ST8SIA1: variants seen among roughly 807,000 people sequenced by gnomAD.
ST8SIA1 encodes alpha-N-acetylneuraminide alpha-2,8-sialyltransferase.
ST8SIA1 carries 16 observed loss-of-function variants against 35.9 expected under a neutral mutation model. That is an observed-to-expected ratio of 0.45 (90% CI 0.30 to 0.68). ST8SIA1 has a LOEUF of 0.68. Among genes scored for constraint, ST8SIA1 ranks in the 30% least tolerant of loss-of-function variants. The probability of loss-of-function intolerance (pLI) is 0.09; values close to 1 mark genes in which losing one functional copy is unlikely to be tolerated. For missense variants in ST8SIA1, 383 were observed against 453.6 expected, an observed-to-expected ratio of 0.84 and a Z score of 1.41; for synonymous variants, 170 against 169.6, an observed-to-expected ratio of 1.00 and a Z score of -0.02.
At chr12:22,320,159 T>A (rs1009691974) in intron 1 of ST8SIA1, among the ~76,000 whole-genome samples, 4 of 152,218 alleles carry the variant, frequency 2.6e-5, no homozygotes, top group Non-Finnish European at 4.4e-5. Context: ...CAAAGCTATG[T>A]ACATCTATAA....
intron 4 of ST8SIA1, among the ~76,000 whole-genome samples, chr12:22,246,863 C>A (rs1055681322): frequency 3.3e-5 from 5 of 152,102 alleles, no homozygotes; most frequent in African/African-American, 1.2e-4. Context: ...TGAGGAACTG[C>A]CTATAAAGGG....
chr12:22,228,770 T>C (rs1385225998), intron 4 of ST8SIA1, among the ~76,000 whole-genome samples: 2 of 151,848 alleles, frequency 1.3e-5, no homozygotes, highest in Non-Finnish European at 1.5e-5. Context: ...TAAAAATTAG[T>C]GGGGGCTGGG....
chr12:22,205,825 C>A (rs10841975), intron 4 of ST8SIA1, among the ~76,000 whole-genome samples: 65,064 of 151,684 alleles, frequency 0.43, 14,227 homozygotes, highest in East Asian at 0.6. Context: ...TATTTCAACA[C>A]AGGAAAATAT....
chr12:22,242,276 A>G (rs1865549777), intron 4 of ST8SIA1, among the ~76,000 whole-genome samples: 1 of 152,192 alleles, frequency 6.6e-6, no homozygotes, highest in Admixed American at 6.5e-5. Flanking sequence ...ATTAAATCCA[A>G]TATAATTAAA....
chr12:22,322,317 C>T (rs1309560481), intron 1 of ST8SIA1, among the ~76,000 whole-genome samples: 1 of 152,204 alleles, frequency 6.6e-6, no homozygotes, highest in Admixed American at 6.5e-5. Flanking sequence ...GGAAGGCCTG[C>T]GTCCTCTTGG....
intron 2 of ST8SIA1, among the ~76,000 whole-genome samples, chr12:22,275,306 C>A (rs1179384770): frequency 6.6e-6 from 1 of 152,172 alleles, no homozygotes; most frequent in Admixed American, 6.5e-5. Flanking sequence ...GTAATCCCAA[C>A]AATTTGAGAG....
At chr12:22,266,867 A>ACACACC (rs1421495110) in intron 2 of ST8SIA1, among the ~76,000 whole-genome samples, 11 of 151,846 alleles carry the variant, frequency 7.2e-5, no homozygotes, top group African/African-American at 2.4e-4. Context: ...ACACACACAC[A>ACACACC]CACACACACA....
At chr12:22,278,735 A>C (rs1420537055) in intron 2 of ST8SIA1, among the ~76,000 whole-genome samples, 5 of 152,226 alleles carry the variant, frequency 3.3e-5, no homozygotes, top group Non-Finnish European at 5.9e-5. Context: ...CAAAGAGTTA[A>C]AATTCTGAAA....
chr12:22,296,752 C>T (rs1025386167), intron 1 of ST8SIA1, among the ~76,000 whole-genome samples: 1 of 152,134 alleles, frequency 6.6e-6, no homozygotes, highest in African/African-American at 2.4e-5. Flanking sequence ...GCAATGAATT[C>T]ACTTCTGGAG....
At chr12:22,222,336 C>G (rs1865309077) in intron 4 of ST8SIA1, among the ~76,000 whole-genome samples, 1 of 152,112 alleles carries the variant, frequency 6.6e-6, no homozygotes, top group Non-Finnish European at 1.5e-5. Flanking sequence ...GAGAAGCTGC[C>G]TCACGAGGGA....
At chr12:22,287,831 T>G (rs559066696) in intron 1 of ST8SIA1, among the ~76,000 whole-genome samples, 1 of 152,286 alleles carries the variant, frequency 6.6e-6, no homozygotes, top group East Asian at 1.9e-4. Flanking sequence ...CCCTTGAAAA[T>G]CTTTTGAGTA....
At chr12:22,256,486 CA>C (rs1480967498) in intron 2 of ST8SIA1, among the ~76,000 whole-genome samples, 1 of 152,186 alleles carries the variant, frequency 6.6e-6, no homozygotes, top group East Asian at 1.9e-4. Flanking sequence ...TTCATATACA[CA>C]ACTGGCATCA....
chr12:22,207,396 T>C (rs113461460), intron 4 of ST8SIA1, among the ~76,000 whole-genome samples: 50 of 152,344 alleles, frequency 3.3e-4, no homozygotes, highest in African/African-American at 1.2e-3. Flanking sequence ...GAGAACTCAG[T>C]ATATTTTTCC....
intron 2 of ST8SIA1, among the ~76,000 whole-genome samples, chr12:22,268,190 A>G (rs546115096): frequency 6.6e-6 from 1 of 152,228 alleles, no homozygotes; most frequent in Non-Finnish European, 1.5e-5. Context: ...TTTCTGGAGA[A>G]ATGCCAAGAA....
Position 22,196,400 on chromosome 12 carries a change from A to C in ST8SIA1, c.*5152T>G, listed in dbSNP as rs931864960. The C allele has an allele frequency of 6.6e-6, 1 of 152,192 alleles. No individual in the cohort carries two copies. The highest frequency in any genetic ancestry group is 1.5e-5 in the Non-Finnish European group (1 of 68,032). The allele number at this position is 152,192 out of a possible 1,614,324, so 9.4% of individuals were successfully genotyped here. ...ATCTCTCACCCCTAAGATGTATGTAAAAAATTCAAAAGACAAGTCTGGGCT... is the reference window on the plus strand; with the variant it reads ...ATCTCTCACCCCTAAGATGTATGTACAAAATTCAAAAGACAAGTCTGGGCT... On this transcript the variant is annotated 3_prime_UTR_variant, in exon 5 of 5. Coordinates refer to ENST00000396037, the MANE Select transcript of ST8SIA1 (RefSeq NM_003034.4).
At chr12:22,227,619 T>C (rs1056120355) in intron 4 of ST8SIA1, among the ~76,000 whole-genome samples, 2 of 152,246 alleles carry the variant, frequency 1.3e-5, no homozygotes, top group Non-Finnish European at 2.9e-5. Context: ...TTTTGAGGTG[T>C]TCTATACCAA....
intron 1 of ST8SIA1, among the ~76,000 whole-genome samples, chr12:22,295,302 G>A (rs932691007): frequency 3.3e-5 from 5 of 152,268 alleles, no homozygotes; most frequent in Admixed American, 2.0e-4. Flanking sequence ...CTGTCTCCTC[G>A]TAGGGTCCTG....
At chr12:22,323,911 C>A (rs2135843423) in intron 1 of ST8SIA1, among the ~76,000 whole-genome samples, 1 of 152,060 alleles carries the variant, frequency 6.6e-6, no homozygotes, top group African/African-American at 2.4e-5. Context: ...GGGCTTAATA[C>A]CTGGGTAATG....
At chr12:22,225,634 T>C (rs1441205156) in intron 4 of ST8SIA1, among the ~76,000 whole-genome samples, 1 of 152,202 alleles carries the variant, frequency 6.6e-6, no homozygotes, top group East Asian at 1.9e-4. Flanking sequence ...GTTATATAAC[T>C]AAACACTTTT....
Sources: gnomAD v4.1 joint callset for allele counts (sites outside exome capture counted in the v4.1 genomes callset) on GRCh38, gnomAD v4.1.1 for gene constraint, MANE v1.5 for transcripts, NCBI Gene and HGNC (gene_info 2026-07-23, HGNC 2026-07-21) for gene names.